Variants in PLSCR4 observed in about 807,000 individuals in gnomAD.
PLSCR4 encodes the protein phospholipid scramblase 4.
Under a neutral mutation model 36.3 loss-of-function variants are expected in PLSCR4, and 25 were observed. That is an observed-to-expected ratio of 0.69 (90% CI 0.50 to 0.96). The LOEUF (loss-of-function observed/expected upper bound fraction) is 0.96, where lower values mean the gene tolerates loss of function less well. Ranked by LOEUF, PLSCR4 falls within the 40% of genes least tolerant of loss-of-function variation. The pLI, the probability that PLSCR4 is intolerant of heterozygous loss-of-function variation, is 0.00. For missense variants in PLSCR4, 408 were observed against 414.7 expected (o/e 0.98, Z 0.14); for synonymous variants, 122 against 132.9 (o/e 0.92, Z 0.56).
chr3:146,208,634 C>T (rs2034463398), intron 3 of PLSCR4, among the ~76,000 whole-genome samples: 1 of 151,934 alleles, frequency 6.6e-6, no homozygotes, highest in African/African-American at 2.4e-5. Context: ...AAAGAAGATA[C>T]ACAAATGGCC....
chr3:146,235,175 G>A (rs527733135), intron 1 of PLSCR4, among the ~76,000 whole-genome samples: 1 of 152,180 alleles, frequency 6.6e-6, no homozygotes, highest in Non-Finnish European at 1.5e-5. Context: ...TCAGCTCTGT[G>A]TCCCCACCCA....
At chr3:146,217,919 A>T (rs1016450153) in intron 3 of PLSCR4, among the ~76,000 whole-genome samples, 3 of 152,164 alleles carry the variant, frequency 2.0e-5, no homozygotes, top group African/African-American at 2.4e-5. Context: ...CAGTATTAAC[A>T]AGATCACTTA....
intron 1 of PLSCR4, among the ~76,000 whole-genome samples, chr3:146,247,898 G>A (rs527758613): frequency 2.4e-4 from 36 of 152,216 alleles, no homozygotes; most frequent in Non-Finnish European, 3.4e-4. Flanking sequence ...CTGTGATAAC[G>A]GGCGTGAGCT....
chr3:146,214,942 T>C (rs1326847242), intron 3 of PLSCR4, among the ~76,000 whole-genome samples: 1 of 152,166 alleles, frequency 6.6e-6, no homozygotes, highest in Non-Finnish European at 1.5e-5. Context: ...ACTTCATATA[T>C]TTTGGAGCAT....
intron 4 of PLSCR4, among the ~76,000 whole-genome samples, chr3:146,205,829 G>A (rs1227333895): frequency 1.3e-5 from 2 of 152,030 alleles, no homozygotes; most frequent in Non-Finnish European, 2.9e-5. Context: ...CGTCTACTCT[G>A]CCAGCTTTAT....
intron 3 of PLSCR4, among the ~76,000 whole-genome samples, chr3:146,213,697 T>G (rs552827261): frequency 6.6e-6 from 1 of 152,216 alleles, no homozygotes; most frequent in South Asian, 2.1e-4. Context: ...TTAATCTCTT[T>G]ACTTGTTATA....
intron 1 of PLSCR4, among the ~76,000 whole-genome samples, chr3:146,226,636 C>G (rs2035490896): frequency 6.6e-6 from 1 of 152,058 alleles, no homozygotes; most frequent in Non-Finnish European, 1.5e-5. Context: ...GAAGTAGCAC[C>G]TCTGGGGTCC....
intron 3 of PLSCR4, among the ~76,000 whole-genome samples, chr3:146,213,534 G>T (rs746112750): frequency 6.6e-6 from 1 of 151,960 alleles, no homozygotes; most frequent in Non-Finnish European, 1.5e-5. Context: ...TGTTGGTCAG[G>T]CTGGTCTCAA....
rs1419164493 is a variant in PLSCR4, at chr3:146,246,841, AAT to A, written c.-22+4117_-22+4118del. Reference sequence around the variant, plus strand: ...CAGATGTTATGTGCAAACAAACACAAATATAATTCAAGGAGTCGGCAGTGCAT... The same window carrying A: ...CAGATGTTATGTGCAAACAAACACAAATAATTCAAGGAGTCGGCAGTGCAT... On this transcript the variant is annotated intron_variant, in intron 1 of 8. Coordinates refer to ENST00000354952, the MANE Select transcript of PLSCR4 (RefSeq NM_020353.3). Among the ~76,000 whole-genome samples, 13 of 152,290 alleles carry A rather than the reference AAT, an allele frequency of 8.5e-5. No individual in the cohort carries two copies. In the East Asian group the frequency reaches 2.5e-3, roughly 29 times the overall value.
intron 1 of PLSCR4, among the ~76,000 whole-genome samples, chr3:146,239,719 A>C (rs566694383): frequency 6.6e-6 from 1 of 152,142 alleles, no homozygotes; most frequent in African/African-American, 2.4e-5. Context: ...CCCCACTTCT[A>C]CTAAAAATAC....
chr3:146,206,525 C>A lies in PLSCR4; in HGVS notation c.354+1G>T. ...AAATAATTTGTATTTTCATGGAGTA[C>A]CTGAACTAAGTATTCCAGACCAGGA... On this transcript the variant is annotated splice_donor_variant, in intron 4 of 8. Transcript: ENST00000354952. LOFTEE classifies it high-confidence loss of function. 6.3e-7 allele frequency: 1 copy of A among 1,594,476 alleles called. No homozygotes were observed. Among genetic ancestry groups the A allele is most frequent in the South Asian group, 1.1e-5 (1 of 90,698 alleles).
chr3:146,237,981 C>G (rs1576494704), intron 1 of PLSCR4, among the ~76,000 whole-genome samples: 1 of 151,336 alleles, frequency 6.6e-6, no homozygotes, highest in Admixed American at 6.6e-5. Context: ...ATTCAAATTA[C>G]CAAAATAATG....
intron 1 of PLSCR4, among the ~76,000 whole-genome samples, chr3:146,239,114 T>C (rs766922867): frequency 2.0e-5 from 3 of 152,118 alleles, no homozygotes; most frequent in Non-Finnish European, 2.9e-5. Context: ...ATAAAAGATA[T>C]CCCAAGTTCA....
At position 146,196,217 on chromosome 3, in the gene PLSCR4, T is replaced by C. The variant is rs180781049; in HGVS notation, c.786+415A>G. Among the ~76,000 whole-genome samples, 135 of 152,246 alleles carry C rather than the reference T, an allele frequency of 8.9e-4. 1 individual carries two copies. The highest frequency in any genetic ancestry group is 1.6e-3 in the Non-Finnish European group (110 of 68,010). ...GACAGACTTGTATCCTGCAAATAAG[T>C]ATTTCCACAGCCTAAGGAGTACTTG... On this transcript the variant is annotated intron_variant, in intron 7 of 8. Transcript: ENST00000354952.
At chr3:146,199,766 A>C in intron 6 of PLSCR4, 47 bp downstream of exon 6, 1 of 1,421,792 alleles carries the variant, frequency 7.0e-7, no homozygotes, top group Non-Finnish European at 9.9e-7. Context: ...TATGCCATGA[A>C]GAGTTAGATC....
At chr3:146,232,707 T>C (rs6440422) in intron 1 of PLSCR4, among the ~76,000 whole-genome samples, 120,244 of 152,018 alleles carry the variant, frequency 0.79, 48,306 homozygotes, top group Non-Finnish European at 0.86. Flanking sequence ...TGAAACTTTA[T>C]TGAAGTTGTT....
At chr3:146,203,625 CT>C (rs953466693) in intron 4 of PLSCR4, among the ~76,000 whole-genome samples, 16 of 152,042 alleles carry the variant, frequency 1.1e-4, no homozygotes, top group Middle Eastern at 3.4e-3. Flanking sequence ...ACAAAAGTGC[CT>C]TTTTTCCCCC....
intron 1 of PLSCR4, among the ~76,000 whole-genome samples, chr3:146,240,403 A>C (rs188060103): frequency 7.2e-5 from 11 of 152,310 alleles, no homozygotes; most frequent in African/African-American, 2.2e-4. Flanking sequence ...TAAGGTTAGG[A>C]GTTAGAAACC....
At position 146,232,407 on chromosome 3, in the gene PLSCR4, T is replaced by C. The variant is rs144697713; in HGVS notation, c.-21-10315A>G. Among the ~76,000 whole-genome samples, 1,522 of 152,280 alleles carry C rather than the reference T, an allele frequency of 1.0e-2. 17 individuals carry two copies. Among genetic ancestry groups the C allele is most frequent in the African/African-American group, 0.035 (1,438 of 41,570 alleles). On this transcript the variant is annotated intron_variant, in intron 1 of 8. Transcript: ENST00000354952. ...CATTGGTAGTTTGATAGGAATACCA[T>C]TGAATCTGTACATTGCTTTGGGCAG...
Sources: allele counts gnomAD v4.1 joint callset (sites outside exome capture counted in the v4.1 genomes callset), GRCh38; gene constraint gnomAD v4.1.1; transcripts MANE v1.5; gene names NCBI Gene and HGNC (gene_info 2026-07-23, HGNC 2026-07-21).